Variants in DPP6 observed in about 807,000 individuals in gnomAD.
DPP6 encodes the protein A-type potassium channel modulatory protein DPP6.
DPP6 carries 69 observed loss-of-function variants against 122.6 expected under a neutral mutation model. The observed-to-expected ratio is 0.56, with a 90% CI of 0.46 to 0.69. The LOEUF is 0.69. Ranked by LOEUF, DPP6 falls within the 30% of genes least tolerant of loss-of-function variation. The pLI is 0.00. For synonymous variants in DPP6, 418 were observed against 433.1 expected, an observed-to-expected ratio of 0.97 and a Z score of 0.43; for missense variants, 928 against 1,116.9, an observed-to-expected ratio of 0.83 and a Z score of 2.41.
intron 2 of DPP6, among the ~76,000 whole-genome samples, chr7:154,470,393 C>G (rs964926926): frequency 6.6e-6 from 1 of 152,196 alleles, no homozygotes; most frequent in Non-Finnish European, 1.5e-5. Flanking sequence ...AAAGCAGAAT[C>G]TCACAGAAAG....
chr7:153,774,427 AGT>A, the DPP6 span, among the ~76,000 whole-genome samples: 1 of 152,178 alleles, frequency 6.6e-6, no homozygotes, highest in Non-Finnish European at 1.5e-5. Flanking sequence ...TCTTTGTGTC[AGT>A]TGTTTACATG....
intron 1 of DPP6, among the ~76,000 whole-genome samples, chr7:153,892,798 A>T (rs1799262328): frequency 6.6e-6 from 1 of 152,074 alleles, no homozygotes; most frequent in African/African-American, 2.4e-5. Flanking sequence ...GGGTTCCAAA[A>T]ATTCTAAGGT....
rs78932383 is a variant in DPP6, at chr7:154,752,193, T to C, written c.884-17224T>C. Among the ~76,000 whole-genome samples, 465 of 152,318 alleles carry C rather than the reference T, an allele frequency of 3.1e-3. 3 individuals carry two copies. Among genetic ancestry groups the C allele is most frequent in the African/African-American group, 0.011 (443 of 41,562 alleles). ...TGACAAAATGTATATTATTCTATTGTTTTAAAGAAAAGGATCCTTAACATT... is the reference window on the plus strand; with the variant it reads ...TGACAAAATGTATATTATTCTATTGCTTTAAAGAAAAGGATCCTTAACATT... On this transcript the variant is annotated intron_variant, in intron 8 of 25. Coordinates refer to ENST00000377770, the MANE Select transcript of DPP6 (RefSeq NM_130797.4).
intron 1 of DPP6, among the ~76,000 whole-genome samples, chr7:154,242,740 C>T (rs1300288856): frequency 6.6e-6 from 1 of 152,160 alleles, no homozygotes; most frequent in Non-Finnish European, 1.5e-5. Flanking sequence ...TTTGGGGAGC[C>T]AAGTGCAAGA....
intron 5 of DPP6, among the ~76,000 whole-genome samples, chr7:154,598,548 A>G (rs747954180): frequency 6.6e-6 from 1 of 152,180 alleles, no homozygotes; most frequent in African/African-American, 2.4e-5. Flanking sequence ...GAAATTAACA[A>G]CCTTATAAAT....
intron 1 of DPP6, among the ~76,000 whole-genome samples, chr7:153,922,246 A>G (rs759737519): frequency 2.6e-5 from 4 of 152,222 alleles, no homozygotes; most frequent in African/African-American, 4.8e-5. Flanking sequence ...GATGCCTGTA[A>G]TCCTAGCACT....
At chr7:154,714,754 A>G (rs11981375) in intron 7 of DPP6, among the ~76,000 whole-genome samples, 6,849 of 152,282 alleles carry the variant, frequency 0.045, 499 homozygotes, top group African/African-American at 0.15. Flanking sequence ...CCTTCACAGA[A>G]TTTACTATAA....
chr7:154,653,361 A>C (rs923228944), intron 6 of DPP6, among the ~76,000 whole-genome samples: 1 of 152,192 alleles, frequency 6.6e-6, no homozygotes, highest in African/African-American at 2.4e-5. Flanking sequence ...ACATAGATAG[A>C]TAGATTGACA....
At chr7:154,561,327 A>T (rs891778574) in intron 4 of DPP6, among the ~76,000 whole-genome samples, 1 of 152,222 alleles carries the variant, frequency 6.6e-6, no homozygotes, top group Non-Finnish European at 1.5e-5. Context: ...TGAAACATTC[A>T]CCAGAGTAGA....
intron 1 of DPP6, among the ~76,000 whole-genome samples, chr7:154,428,068 A>G (rs1239437544): frequency 6.6e-6 from 1 of 152,192 alleles, no homozygotes; most frequent in East Asian, 1.9e-4. Flanking sequence ...TGATAGTTCT[A>G]TGTTCTAAAT....
chr7:154,128,229 G>A (rs1295720285), intron 1 of DPP6, among the ~76,000 whole-genome samples: 1 of 151,112 alleles, frequency 6.6e-6, no homozygotes, highest in African/African-American at 2.4e-5. Flanking sequence ...GTGGACTATG[G>A]CTATTGGACC....
chr7:154,837,311 A>G (rs532846622), intron 16 of DPP6, among the ~76,000 whole-genome samples: 31 of 151,994 alleles, frequency 2.0e-4, no homozygotes, highest in African/African-American at 7.0e-4. Context: ...ACACATGCAC[A>G]CAAACACATG....
intron 1 of DPP6, among the ~76,000 whole-genome samples, chr7:153,954,394 T>C (rs1275009055): frequency 2.0e-5 from 3 of 152,226 alleles, no homozygotes; most frequent in Non-Finnish European, 2.9e-5. Flanking sequence ...TATCTGCTGA[T>C]TCTCATACTT....
At chr7:153,918,460 ACACACACTCTCTCTCT>A (rs1426554522) in intron 1 of DPP6, among the ~76,000 whole-genome samples, 2 of 88,616 alleles carry the variant, frequency 2.3e-5, no homozygotes, top group East Asian at 5.9e-4. Flanking sequence ...ACACACACAC[ACACACACTCTCTCTCT>A]CTCTCTCTCT....
chr7:154,735,826 A>G (rs1842545558), intron 8 of DPP6, among the ~76,000 whole-genome samples: 1 of 152,232 alleles, frequency 6.6e-6, no homozygotes, highest in African/African-American at 2.4e-5. Context: ...AAGGCAGGAA[A>G]TAAGAATGTC....
At chr7:154,822,795 C>T (rs2150501206) in intron 16 of DPP6, among the ~76,000 whole-genome samples, 1 of 152,274 alleles carries the variant, frequency 6.6e-6, no homozygotes, top group Middle Eastern at 3.4e-3. Flanking sequence ...GCTCTTCATC[C>T]TGTTTTCTCT....
At chr7:154,535,136 C>A (rs908909892) in intron 3 of DPP6, among the ~76,000 whole-genome samples, 26 of 151,918 alleles carry the variant, frequency 1.7e-4, no homozygotes, top group African/African-American at 6.3e-4. Flanking sequence ...ATCTTTTCAA[C>A]AACGTACTGG....
At chr7:154,429,484 A>G (rs1818181497) in intron 1 of DPP6, among the ~76,000 whole-genome samples, 3 of 152,216 alleles carry the variant, frequency 2.0e-5, no homozygotes, top group Admixed American at 1.3e-4. Flanking sequence ...GTCTCTCAGC[A>G]TTGTGGTTCA....
At chr7:154,234,888 C>G (rs1801113084) in intron 1 of DPP6, among the ~76,000 whole-genome samples, 1 of 152,176 alleles carries the variant, frequency 6.6e-6, no homozygotes, top group African/African-American at 2.4e-5. Context: ...TGGAACAGAG[C>G]CGGCCCTGGG....
Sources: gnomAD v4.1 joint callset for allele counts (sites outside exome capture counted in the v4.1 genomes callset) on GRCh38, gnomAD v4.1.1 for gene constraint, MANE v1.5 for transcripts, NCBI Gene and HGNC (gene_info 2026-07-23, HGNC 2026-07-21) for gene names.